Variants in XAB2 observed in about 807,000 individuals in gnomAD.
The protein encoded by XAB2 is pre-mRNA-splicing factor SYF1.
A neutral mutation model predicts 113.4 loss-of-function variants in XAB2; 57 were observed. The observed-to-expected ratio is 0.50, with a 90% CI of 0.41 to 0.63. XAB2 has a LOEUF of 0.63. Among genes scored for constraint, XAB2 ranks in the 20% least tolerant of loss-of-function variants. The pLI is 0.00. For missense variants in XAB2, 1,037 were observed against 1,233.3 expected (o/e 0.84, Z 2.38); for synonymous variants, 497 against 498.8 (o/e 1.00, Z 0.05).
chr19:7,623,556 G>T lies in XAB2; in HGVS notation c.1119+175C>A, dbSNP rs1250680996. Among the ~76,000 whole-genome samples the T allele has an allele frequency of 2.0e-5, 3 of 152,110 alleles. No homozygotes were observed. Among genetic ancestry groups the T allele is most frequent in the South Asian group, 2.1e-4 (1 of 4,826 alleles). On this transcript the variant is annotated intron_variant, in intron 8 of 18. Transcript: ENST00000358368. This position sits in a 1 kb window ranked among gnomAD's most constrained non-coding sequence, Gnocchi z 4.6. ...CCAAGGGGTGGGGCCAGGAGGGACTGTGGCTCTGAGGGGCGGGGCTCGGGC... is the reference window on the plus strand; with the variant it reads ...CCAAGGGGTGGGGCCAGGAGGGACTTTGGCTCTGAGGGGCGGGGCTCGGGC...
In XAB2 at chr19:7,624,247, C is replaced by T; in HGVS notation, c.967+54G>A. 2 of 1,604,768 alleles carry T rather than the reference C, an allele frequency of 1.2e-6. No homozygotes were observed. The highest frequency in any genetic ancestry group is 1.7e-6 in the Non-Finnish European group (2 of 1,179,636). On this transcript the variant is annotated intron_variant, in intron 7 of 18. Coordinates refer to ENST00000358368, the MANE Select transcript of XAB2 (RefSeq NM_020196.3). This position sits in a 1 kb window ranked among gnomAD's most constrained non-coding sequence, Gnocchi z 4.2. ...TCACCTGAGATGTGTCCCGCCCCTACCGCTAATGTCCACTCAGCTCTCTCC... is the reference window on the plus strand; with the variant it reads ...TCACCTGAGATGTGTCCCGCCCCTATCGCTAATGTCCACTCAGCTCTCTCC...
In XAB2 at chr19:7,627,185, C is replaced by T; in HGVS notation, c.522+58G>A. On this transcript the variant is annotated intron_variant, in intron 4 of 18. Transcript: ENST00000358368. The surrounding 1 kb of genome is among the most constrained non-coding windows in gnomAD (Gnocchi z 4.5). ...GTGACATCCTACGCGGAGCTAGTGT[C>T]ACAGTGAGGCCGTTTCTGGAAACTA... 6.3e-7 allele frequency: 1 copy of T among 1,588,304 alleles called. No homozygotes were observed. Among genetic ancestry groups the T allele is most frequent in the South Asian group, 1.1e-5 (1 of 90,320 alleles).
Position 7,622,648 on chromosome 19 carries a change from A to G in XAB2, c.1385T>C (p.Leu462Pro). The change falls in exon 11 of 19, where the codon CTG (leucine) becomes CCG (proline). Residue 462 changes from leucine to proline, a missense_variant. By Grantham distance (98) the Leu-to-Pro change is moderately conservative. Transcript: ENST00000358368. Reference protein sequence around the residue: ...ALRLLRKATALPARRAEYFDG... With the variant: ...ALRLLRKATAPPARRAEYFDG... ...AAAGTACTCGGCCCGGCGGGCAGGCAGCGCCGTGGCCTTCTGCAGGGGCAG... is the reference window on the plus strand; with the variant it reads ...AAAGTACTCGGCCCGGCGGGCAGGCGGCGCCGTGGCCTTCTGCAGGGGCAG... 6.2e-7 allele frequency: 1 copy of G among 1,611,506 alleles called. No homozygotes were observed. The highest frequency in any genetic ancestry group is 8.5e-7 in the Non-Finnish European group (1 of 1,179,936).
chr19:7,620,325 T>G lies in XAB2; in HGVS notation c.2216A>C (p.Asn739Thr). 6.2e-7 allele frequency: 1 copy of G among 1,613,736 alleles called. No homozygotes were observed. Among genetic ancestry groups the G allele is most frequent in the Non-Finnish European group, 8.5e-7 (1 of 1,180,000 alleles). The part of the protein sequence containing the change: ...SVQATYNTQV[N>T]FMASQMLKVS... ...CTTGAGCATCTGCGAGGCCATGAAG[T>G]TGACCTGCGTGTTGTACGTGGCCTG... The change falls in exon 16 of 19, where the codon AAC becomes ACC. Residue 739 changes from asparagine to threonine, a missense_variant. Asn to Thr is a moderately conservative substitution (Grantham distance 65, BLOSUM62 0). Coordinates refer to ENST00000358368, the MANE Select transcript of XAB2 (RefSeq NM_020196.3).
chr19:7,623,598 G>C lies in XAB2; in HGVS notation c.1119+133C>G. The stretch of plus-strand genomic sequence containing the variant: ...GGCTCGGGCAGGAGGAGAACCCCAA[G>C]AACAGGGGTGGAATTGGACCTACTA... On this transcript the variant is annotated intron_variant, in intron 8 of 18. Coordinates refer to ENST00000358368, the MANE Select transcript of XAB2 (RefSeq NM_020196.3). The surrounding 1 kb of genome is among the most constrained non-coding windows in gnomAD (Gnocchi z 4.6). 1 of 1,295,376 alleles carries C rather than the reference G, an allele frequency of 7.7e-7. No individual in the cohort carries two copies. Among genetic ancestry groups the C allele is most frequent in the Non-Finnish European group, 1.1e-6 (1 of 951,748 alleles). 80.2% of individuals were successfully genotyped at this position (1,295,376 alleles called of 1,614,324 possible).
In XAB2 at chr19:7,619,765, T is replaced by TCTCGTCCTCGTC; in HGVS notation, c.2476_2487dup (p.Asp826_Glu829dup). 1 of 1,613,712 alleles carries TCTCGTCCTCGTC rather than the reference T, an allele frequency of 6.2e-7. No individual in the cohort carries two copies. The highest frequency in any genetic ancestry group is 8.5e-7 in the Non-Finnish European group (1 of 1,179,890). On this transcript the variant is annotated inframe_insertion, in exon 18 of 19. Transcript: ENST00000358368. Reference sequence around the variant, plus strand: ...CCCTCACCGTTGGGCTCCAGGTCCATCTCGTCCTCGTCCTCGTCCTCGCCC... The same window carrying TCTCGTCCTCGTC: ...CCCTCACCGTTGGGCTCCAGGTCCATCTCGTCCTCGTCCTCGTCCTCGTCCTCGTCCTCGCCC...
chr19:7,628,010 G>C lies in XAB2; in HGVS notation c.200+140C>G, dbSNP rs1179086652. The C allele has an allele frequency of 6.9e-7, 1 of 1,454,098 alleles. No homozygotes were observed. Among genetic ancestry groups the C allele is most frequent in the African/African-American group, 1.4e-5 (1 of 71,718 alleles). 90.1% of individuals were successfully genotyped at this position (1,454,098 alleles called of 1,614,324 possible). A position where few individuals can be genotyped will look rare whatever the true frequency, so the allele number is the denominator to read the frequency against. On this transcript the variant is annotated intron_variant, in intron 2 of 18. Coordinates refer to ENST00000358368, the MANE Select transcript of XAB2 (RefSeq NM_020196.3). The surrounding 1 kb of genome is among the most constrained non-coding windows in gnomAD (Gnocchi z 4.6). Reference sequence around the variant, plus strand: ...CAGACTGGGACATCAGAGAAGGTGTGCTGACCCATCAAGGGATGTACAGGT... The same window carrying C: ...CAGACTGGGACATCAGAGAAGGTGTCCTGACCCATCAAGGGATGTACAGGT...
chr19:7,619,688 C>G (rs761099289), intron 18 of XAB2, 41 bp from the exon 19 acceptor site: 7 of 1,606,572 alleles, frequency 4.4e-6, no homozygotes, highest in Middle Eastern at 1.7e-4. Context: ...CTGGCGTTGG[C>G]CTGTCCCCCG....
chr19:7,623,214 C>A lies in XAB2; in HGVS notation c.1195G>T (p.Val399Leu). The part of the protein sequence containing the change: ...KATGKPHTLW[V>L]AFAKFYEDNG... ...TCCTCATAAAACTTGGCAAACGCCA[C>A]CCACAGAGTGTGGGGCTTGCCTGTG... is the stretch of plus-strand genomic sequence containing the variant. The change falls in exon 9 of 19, where the codon GTG (valine) becomes TTG (leucine). Residue 399 changes from valine (V) to leucine (L), a missense_variant. Coordinates refer to ENST00000358368, the MANE Select transcript of XAB2 (RefSeq NM_020196.3). The surrounding 1 kb of genome is among the most constrained non-coding windows in gnomAD (Gnocchi z 4.6). The A allele has an allele frequency of 6.2e-7, 1 of 1,613,908 alleles. No homozygotes were observed. The highest frequency in any genetic ancestry group is 8.5e-7 in the Non-Finnish European group (1 of 1,180,038).
At chr19:7,621,095 G>T (rs4134863) in intron 13 of XAB2, 40 bp downstream of exon 13, 2 of 1,486,318 alleles carry the variant, frequency 1.3e-6, no homozygotes, top group Non-Finnish European at 1.8e-6. Flanking sequence ...CAGAAACCCA[G>T]CCCGCCCGCC....
Position 7,629,456 on chromosome 19 carries a change from C to T in XAB2, c.51+21G>A, listed in dbSNP as rs181540015. 3 of 1,586,508 alleles carry T rather than the reference C, an allele frequency of 1.9e-6. No homozygotes were observed. The East Asian group carries it at 6.9e-5, about 36-fold the overall frequency. On this transcript the variant is annotated intron_variant, in intron 1 of 18. Transcript: ENST00000358368. Reference sequence around the variant, plus strand: ...CCCAATGCCCCAACGCAGGCCACCCCCGGCTCCTCTGTGGACTCACGAAGA... The same window carrying T: ...CCCAATGCCCCAACGCAGGCCACCCTCGGCTCCTCTGTGGACTCACGAAGA...
In XAB2 at chr19:7,628,211, C is replaced by T; in HGVS notation, c.139G>A (p.Gly47Ser). Reference protein sequence around the residue: ...CWLRYIEFKQGAPKPRLNQLY... With the variant: ...CWLRYIEFKQSAPKPRLNQLY... ...TGATTGAGCCTGGGCTTCGGGGCGC[C>T]CTGTTTGAACTCGATGTAGCGAAGC... Residue 47 changes from glycine (G) to serine (S), a missense_variant, in exon 2 of 19, where the codon GGC becomes AGC. By Grantham distance (56) the Gly-to-Ser change is moderately conservative. Transcript: ENST00000358368. The surrounding 1 kb of genome is among the most constrained non-coding windows in gnomAD (Gnocchi z 4.6). 2 of 1,614,078 alleles carry T rather than the reference C, an allele frequency of 1.2e-6. No individual in the cohort carries two copies. Among genetic ancestry groups the T allele is most frequent in the Non-Finnish European group, 1.7e-6 (2 of 1,180,022 alleles).
At chr19:7,620,470 T>C (rs544589268) in intron 15 of XAB2, 24 bp from the exon 16 acceptor site, 1 of 1,607,744 alleles carries the variant, frequency 6.2e-7, no homozygotes, top group Admixed American at 1.7e-5. Context: ...AGGGCAGGGG[T>C]GGGTGTGTGT....
rs571488533 is a variant in XAB2, at chr19:7,627,767, G to A, written c.285C>T (p.Val95=). ...CAAAGGCCCTCTCATGACAGTTGTTGACATCTTCATAGGCAGGGTCGGTCA... is the reference window on the plus strand; with the variant it reads ...CAAAGGCCCTCTCATGACAGTTGTTAACATCTTCATAGGCAGGGTCGGTCA... ...RCVTDPAYED[V]NNCHERAFVF... is the part of the protein sequence containing the mutation. The change falls in exon 3 of 19, where the codon GTC becomes GTT. Residue 95 remains valine (V), a synonymous_variant. Coordinates refer to ENST00000358368, the MANE Select transcript of XAB2 (RefSeq NM_020196.3). The surrounding 1 kb of genome is among the most constrained non-coding windows in gnomAD (Gnocchi z 4.5). The A allele has an allele frequency of 6.2e-7, 1 of 1,613,708 alleles. No individual in the cohort carries two copies. Among genetic ancestry groups the A allele is most frequent in the South Asian group, 1.1e-5 (1 of 91,064 alleles).
rs4134820 is a variant in XAB2, at chr19:7,627,717, G to A, written c.324+11C>T. The A allele has an allele frequency of 0.012, 18,567 of 1,552,502 alleles. 145 individuals are homozygous for A. The highest frequency in any genetic ancestry group is 0.024 in the Middle Eastern group (135 of 5,704). On this transcript the variant is annotated intron_variant, in intron 3 of 18. Coordinates refer to ENST00000358368, the MANE Select transcript of XAB2 (RefSeq NM_020196.3). This position sits in a 1 kb window ranked among gnomAD's most constrained non-coding sequence, Gnocchi z 4.5. ...CCACTTCCCGATTCATCCCCTCGCC[G>A]AGCCCCAAACCTTGTGCATGAACAC...
rs1307261953 is a variant in XAB2, at chr19:7,625,937, C to T, written c.765G>A (p.Leu255=). ...RGGLTRFTDQ[L]GKLWCSLADY... is the part of the protein sequence containing the mutation. ...CGGCGAGAGAACACCAGAGCTTGCC[C>T]AGCTGGTCGGTGAAGCGGGTGAGGC... Residue 255 remains leucine (L), a synonymous_variant, in exon 6 of 19, where the codon CTG becomes CTA. Coordinates refer to ENST00000358368, the MANE Select transcript of XAB2 (RefSeq NM_020196.3). This position sits in a 1 kb window ranked among gnomAD's most constrained non-coding sequence, Gnocchi z 5.2. The T allele has an allele frequency of 5.0e-6, 8 of 1,613,614 alleles. No individual in the cohort carries two copies. The Admixed American group carries it at 6.7e-5, about 13-fold the overall frequency.
chr19:7,621,938 C>A (rs778346436), intron 12 of XAB2: 41 of 225,424 alleles, frequency 1.8e-4, no homozygotes, highest in Non-Finnish European at 2.5e-4. Context: ...CAAATCTTAA[C>A]CCCCAGTACC....
Position 7,621,233 on chromosome 19 carries a change from A to G in XAB2, c.1682T>C (p.Leu561Pro). 6.2e-7 allele frequency: 1 copy of G among 1,613,156 alleles called. No homozygotes were observed. Residue 561 changes from leucine to proline, a missense_variant, in exon 13 of 19, where the codon CTG (leucine) becomes CCG (proline). Leu to Pro is a moderately conservative substitution (Grantham distance 98, BLOSUM62 -3). Transcript: ENST00000358368. ...PNVSDIWSTY[L>P]TKFIARYGGR... ...CCCATAGCGGGCAATGAATTTGGTCAGGTAGGTGCTCCAGATGTCGGACAC... is the reference window on the plus strand; with the variant it reads ...CCCATAGCGGGCAATGAATTTGGTCGGGTAGGTGCTCCAGATGTCGGACAC...
At chr19:7,619,684 T>A (rs775896628) in intron 18 of XAB2, 37 bp from the exon 19 acceptor site, 19 of 1,606,334 alleles carry the variant, frequency 1.2e-5, no homozygotes, top group Non-Finnish European at 1.5e-5. Flanking sequence ...CCTCCTGGCG[T>A]TGGCCTGTCC....
Sources: allele counts gnomAD v4.1 joint callset (sites outside exome capture counted in the v4.1 genomes callset), GRCh38; gene constraint gnomAD v4.1.1; non-coding constraint Gnocchi (gnomAD v3.1); transcripts MANE v1.5; gene names NCBI Gene and HGNC (gene_info 2026-07-23, HGNC 2026-07-21).